RERGL: variants seen among roughly 807,000 people sequenced by gnomAD.
RERGL encodes the protein ras-related and estrogen-regulated growth inhibitor-like protein.
RERGL carries 22 observed loss-of-function variants against 24.7 expected under a neutral mutation model. The observed-to-expected ratio is 0.89, with a 90% CI of 0.64 to 1.27. The LOEUF (loss-of-function observed/expected upper bound fraction) is 1.27. RERGL is among the 50% of genes most tolerant of loss of function. RERGL has a pLI of 0.00. For synonymous variants in RERGL, 76 were observed against 82.6 expected (o/e 0.92, Z 0.43); for missense variants, 259 against 235.3 (o/e 1.10, Z -0.66).
chr12:18,086,162 C>T (rs899550099), intron 2 of RERGL, among the ~76,000 whole-genome samples: 14 of 124,838 alleles, frequency 1.1e-4, no homozygotes, highest in African/African-American at 3.6e-4. Context: ...CGTGAGCCAC[C>T]GCGCCCAGCC....
chr12:18,081,555 C>G, intron 4 of RERGL, 82 bp from the exon 5 acceptor site: 2 of 1,243,266 alleles, frequency 1.6e-6, no homozygotes, highest in Non-Finnish European at 2.2e-6. Flanking sequence ...AGATTTATAA[C>G]CAAAGGATTA....
At chr12:18,089,031 T>G in intron 1 of RERGL, 75 bp from the exon 2 acceptor site, 2 of 1,308,558 alleles carry the variant, frequency 1.5e-6, no homozygotes, top group Non-Finnish European at 2.2e-6. Flanking sequence ...GCATAAGGCT[T>G]TAGTTCTTAA....
intron 3 of RERGL, among the ~76,000 whole-genome samples, chr12:18,085,108 C>T (rs1056285234): frequency 1.3e-5 from 2 of 152,074 alleles, no homozygotes; most frequent in Non-Finnish European, 2.9e-5. Flanking sequence ...TTTTGATTTA[C>T]CTAAAATGAT....
At chr12:18,086,366 C>G (rs1039632869) in intron 2 of RERGL, among the ~76,000 whole-genome samples, 4 of 152,072 alleles carry the variant, frequency 2.6e-5, no homozygotes, top group Non-Finnish European at 5.9e-5. Flanking sequence ...TTCTACTTCC[C>G]TCTTATATAT....
intron 3 of RERGL, 45 bp downstream of exon 3, chr12:18,085,575 C>A (rs1340931575): frequency 7.1e-6 from 9 of 1,265,928 alleles, no homozygotes; most frequent in African/African-American, 4.5e-5. Flanking sequence ...GCTAAAAAAT[C>A]AATCAATAAA....
Position 18,090,171 on chromosome 12 carries a change from T to G in RERGL, c.-31A>C, listed in dbSNP as rs1162659556. Reference sequence around the variant, plus strand: ...TTTTCTGCTTCTTGGTCAGTCCTATTTTCTGGAACTACACTGCCCTGTGAC... The same window carrying G: ...TTTTCTGCTTCTTGGTCAGTCCTATGTTCTGGAACTACACTGCCCTGTGAC... On this transcript the variant is annotated 5_prime_UTR_variant, in exon 1 of 5. Transcript: ENST00000538724. 4.6e-6 allele frequency: 7 copies of G among 1,521,646 alleles called. No homozygotes were observed. The Middle Eastern group carries it at 5.1e-4, about 111-fold the overall frequency. The allele number at this position is 1,521,646 out of a possible 1,614,324, so 94.3% of individuals were successfully genotyped here. A position where few individuals can be genotyped will look rare whatever the true frequency, so the allele number is the denominator to read the frequency against.
chr12:18,081,101 A>G lies in RERGL; in HGVS notation c.*90T>C. ...TATCTCCAAGAGAATTCTTTTTACC[A>G]AAAAAAAATTGCATACAAAGGTTAG... On this transcript the variant is annotated 3_prime_UTR_variant, in exon 5 of 5. Transcript: ENST00000538724. The G allele has an allele frequency of 9.3e-7, 1 of 1,071,998 alleles. No individual in the cohort carries two copies. Among genetic ancestry groups the G allele is most frequent in the Non-Finnish European group, 1.3e-6 (1 of 771,056 alleles). 66.4% of individuals were successfully genotyped at this position (1,071,998 alleles called of 1,614,324 possible). A position where few individuals can be genotyped will look rare whatever the true frequency, so the allele number is the denominator to read the frequency against.
At chr12:18,082,317 C>T (rs775781229) in intron 4 of RERGL, among the ~76,000 whole-genome samples, 39 of 152,018 alleles carry the variant, frequency 2.6e-4, no homozygotes, top group Non-Finnish European at 2.6e-4. Flanking sequence ...GAACAACACA[C>T]AATGGTGCCT....
chr12:18,089,188 A>T, intron 1 of RERGL: 1 of 1,540,624 alleles, frequency 6.5e-7, no homozygotes, highest in South Asian at 1.2e-5. Flanking sequence ...CTAAATCACT[A>T]TGCAGTTAAT....
At chr12:18,086,844 T>G (rs1019536605) in intron 2 of RERGL, among the ~76,000 whole-genome samples, 1 of 152,186 alleles carries the variant, frequency 6.6e-6, no homozygotes, top group South Asian at 2.1e-4. Context: ...ATTTAGATAC[T>G]TGATAGCTAT....
intron 2 of RERGL, among the ~76,000 whole-genome samples, chr12:18,085,944 G>A (rs1278507900): frequency 6.9e-6 from 1 of 143,932 alleles, no homozygotes; most frequent in East Asian, 2.1e-4. Context: ...CGCAAGCTCC[G>A]CCTCCTGGGT....
chr12:18,090,062 G>C, intron 1 of RERGL, 27 bp downstream of exon 1: 1 of 1,514,578 alleles, frequency 6.6e-7, no homozygotes, highest in Non-Finnish European at 8.8e-7. Context: ...TACACTCTAT[G>C]ATAACAGAGA....
In RERGL at chr12:18,085,724, T is replaced by A. The variant is rs1328788891; in HGVS notation, c.110-31A>T. Reference sequence around the variant, plus strand: ...AAAATATGCATATCCACTGTCAGTATGAAAATACTCCAAACGTGAACTGAT... The same window carrying A: ...AAAATATGCATATCCACTGTCAGTAAGAAAATACTCCAAACGTGAACTGAT... On this transcript the variant is annotated intron_variant, in intron 2 of 4. Transcript: ENST00000538724. The A allele has an allele frequency of 4.8e-6, 6 of 1,258,270 alleles. No homozygotes were observed. The South Asian group carries it at 7.6e-5, about 16-fold the overall frequency. The allele number at this position is 1,258,270 out of a possible 1,614,324, so 77.9% of individuals were successfully genotyped here. A position where few individuals can be genotyped will look rare whatever the true frequency, so the allele number is the denominator to read the frequency against.
intron 3 of RERGL, 64 bp from the exon 4 acceptor site, chr12:18,084,729 C>G: frequency 7.0e-7 from 1 of 1,429,574 alleles, no homozygotes; most frequent in Non-Finnish European, 9.5e-7. Flanking sequence ...ATACTTTAAA[C>G]AGTTAACTAA....
chr12:18,088,527 T>G (rs1947240417), intron 2 of RERGL, among the ~76,000 whole-genome samples: 2 of 152,104 alleles, frequency 1.3e-5, no homozygotes, highest in South Asian at 4.1e-4. Flanking sequence ...CCTTTGTTAG[T>G]TGTGGTTTTA....
intron 1 of RERGL, 79 bp from the exon 2 acceptor site, chr12:18,089,035 T>A (rs1947245787): frequency 2.4e-6 from 3 of 1,250,118 alleles, no homozygotes; most frequent in Non-Finnish European, 3.4e-6. Context: ...AAGGCTTTAG[T>A]TCTTAAACCA....
At chr12:18,087,312 T>C (rs1176519361) in intron 2 of RERGL, among the ~76,000 whole-genome samples, 1 of 152,202 alleles carries the variant, frequency 6.6e-6, no homozygotes, top group Admixed American at 6.5e-5. Flanking sequence ...TCTTAACTCC[T>C]ACCAGGTTAT....
At chr12:18,082,002 T>C (rs1036560821) in intron 4 of RERGL, among the ~76,000 whole-genome samples, 2 of 152,054 alleles carry the variant, frequency 1.3e-5, no homozygotes, top group Middle Eastern at 3.2e-3. Flanking sequence ...TAGCCTGGCG[T>C]GGTTGCACGC....
chr12:18,085,965 C>G (rs373567132), intron 2 of RERGL, among the ~76,000 whole-genome samples: 3 of 149,290 alleles, frequency 2.0e-5, no homozygotes, highest in East Asian at 3.9e-4. Context: ...TCACGCCGTT[C>G]TCCTGCCTCA....
Sources: gnomAD v4.1 joint callset for allele counts (sites outside exome capture counted in the v4.1 genomes callset) on GRCh38, gnomAD v4.1.1 for gene constraint, MANE v1.5 for transcripts, NCBI Gene and HGNC (gene_info 2026-07-23, HGNC 2026-07-21) for gene names.